The following BTC variants were observed in gnomAD, a reference collection of about 807,000 sequenced individuals.
BTC encodes the protein betacellulin, also known as probetacellulin.
A neutral mutation model predicts 18.1 loss-of-function variants in BTC; 13 were observed. The observed-to-expected ratio is 0.72, with a 90% CI of 0.47 to 1.14. BTC has a LOEUF of 1.14. Among genes scored for constraint, BTC ranks in the 50% most tolerant of loss-of-function variants. The probability of loss-of-function intolerance (pLI) is 0.00; values close to 1 mark genes in which losing one functional copy is unlikely to be tolerated. For missense variants in BTC, 247 were observed against 224.2 expected (o/e 1.10, Z -0.65); for synonymous variants, 83 against 79.4 (o/e 1.05, Z -0.24).
intron 1 of BTC, among the ~76,000 whole-genome samples, chr4:74,790,827 A>G (rs1725604351): frequency 6.6e-6 from 1 of 152,198 alleles, no homozygotes; most frequent in Non-Finnish European, 1.5e-5. Context: ...GGTTTCCTGG[A>G]AGCAAGGAAG....
In BTC at chr4:74,794,333, G is replaced by T. The variant is rs1229464619; in HGVS notation, c.-8C>A. 5.8e-6 allele frequency: 9 copies of T among 1,542,838 alleles called. No individual in the cohort carries two copies. Among genetic ancestry groups the T allele is most frequent in the Admixed American group, 2.0e-5 (1 of 50,502 alleles). On this transcript the variant is annotated 5_prime_UTR_variant, in exon 1 of 6. Transcript: ENST00000395743. ...CCGGGCGGCCCGGTCCATCAACCCCGCTCTGCCGGGCCGGGCAGCCCCTAG... is the reference window on the plus strand; with the variant it reads ...CCGGGCGGCCCGGTCCATCAACCCCTCTCTGCCGGGCCGGGCAGCCCCTAG...
At chr4:74,778,046 A>AG (rs1725222996) in intron 1 of BTC, among the ~76,000 whole-genome samples, 1 of 151,196 alleles carries the variant, frequency 6.6e-6, no homozygotes, top group South Asian at 2.1e-4. Flanking sequence ...GAAAAAAAAA[A>AG]TAGGGAGTGA....
intron 3 of BTC, among the ~76,000 whole-genome samples, chr4:74,752,675 G>A (rs1398746547): frequency 2.0e-5 from 3 of 152,014 alleles, no homozygotes; most frequent in Non-Finnish European, 2.9e-5. Flanking sequence ...CACCGTGACT[G>A]GCCGGGAATC....
At chr4:74,746,873 C>A (rs1445191006) in intron 5 of BTC, among the ~76,000 whole-genome samples, 198 bp from the exon 6 acceptor site, 1 of 152,180 alleles carries the variant, frequency 6.6e-6, no homozygotes, top group Non-Finnish European at 1.5e-5. Flanking sequence ...GGAAGAGATT[C>A]TTTGTACAAC....
chr4:74,788,795 C>T (rs1488296972), intron 1 of BTC, among the ~76,000 whole-genome samples: 1 of 152,210 alleles, frequency 6.6e-6, no homozygotes, highest in Non-Finnish European at 1.5e-5. Flanking sequence ...ATGAACAAAA[C>T]TCATACCTGG....
intron 1 of BTC, among the ~76,000 whole-genome samples, chr4:74,785,068 G>A (rs1463528079): frequency 6.6e-6 from 1 of 151,978 alleles, no homozygotes; most frequent in African/African-American, 2.4e-5. Context: ...GCTTTTTTTG[G>A]TTGGTAGGCT....
At chr4:74,754,459 T>G (rs536661041) in intron 3 of BTC, among the ~76,000 whole-genome samples, 1 of 152,260 alleles carries the variant, frequency 6.6e-6, no homozygotes, top group East Asian at 1.9e-4. Context: ...GGGAAGGACA[T>G]CTAACTCAGA....
rs1311461264 is a variant in BTC at position 74,745,479 on chromosome 4, T to C, written c.*1198A>G. ...GAACCACGTAATCAATGTAAAAAGT[T>C]AAATATTCTATGAAATATTCACTAA... On this transcript the variant is annotated 3_prime_UTR_variant, in exon 6 of 6. Coordinates refer to ENST00000395743, the MANE Select transcript of BTC (RefSeq NM_001729.4). 2 of 152,242 alleles carry C rather than the reference T, an allele frequency of 1.3e-5. No individual in the cohort carries two copies. Among genetic ancestry groups the C allele is most frequent in the African/African-American group, 4.8e-5 (2 of 41,464 alleles). The allele number at this position is 152,242 out of a possible 1,614,324, so 9.4% of individuals were successfully genotyped here.
chr4:74,794,277 G>A lies in BTC; in HGVS notation c.49C>T (p.Leu17=). 1 of 1,550,064 alleles carries A rather than the reference G, an allele frequency of 6.5e-7. No individual in the cohort carries two copies. Among genetic ancestry groups the A allele is most frequent in the Non-Finnish European group, 8.7e-7 (1 of 1,146,730 alleles). ...CSGASSLPLL[L]ALALGLVILH... is the part of the protein sequence containing the mutation. ...GGCCACTTACCCAGGGCAAGGGCCAGGAGCAGTGGCAGGGAGCTGGCGCCG... is the reference window on the plus strand; with the variant it reads ...GGCCACTTACCCAGGGCAAGGGCCAAGAGCAGTGGCAGGGAGCTGGCGCCG... Residue 17 remains leucine, a synonymous_variant, in exon 1 of 6, where the codon CTG becomes TTG. Transcript: ENST00000395743.
intron 1 of BTC, among the ~76,000 whole-genome samples, chr4:74,777,342 C>T (rs1301504218): frequency 3.3e-5 from 5 of 152,000 alleles, no homozygotes; most frequent in African/African-American, 9.7e-5. Flanking sequence ...ACAGGGTAAG[C>T]GCTCAAAAAA....
At chr4:74,778,543 A>G (rs750021561) in intron 1 of BTC, among the ~76,000 whole-genome samples, 2 of 152,222 alleles carry the variant, frequency 1.3e-5, no homozygotes, top group East Asian at 3.8e-4. Flanking sequence ...TTGCTCAGAC[A>G]GCATGTTTAC....
intron 3 of BTC, among the ~76,000 whole-genome samples, 193 bp from the exon 4 acceptor site, chr4:74,750,912 A>C (rs1365562075): frequency 3.9e-5 from 6 of 152,182 alleles, no homozygotes; most frequent in African/African-American, 1.4e-4. Flanking sequence ...ACCTGTCATC[A>C]CTTGATCATT....
chr4:74,772,923 G>A (rs932525606), intron 1 of BTC, among the ~76,000 whole-genome samples: 6 of 152,188 alleles, frequency 3.9e-5, no homozygotes, highest in African/African-American at 9.7e-5. Context: ...CAGGCTGGGG[G>A]CTATGGCCCA....
intron 2 of BTC, among the ~76,000 whole-genome samples, chr4:74,768,429 A>G (rs1724955776): frequency 6.6e-6 from 1 of 152,196 alleles, no homozygotes; most frequent in South Asian, 2.1e-4. Flanking sequence ...AGCCTTACAA[A>G]AGAGAAAAAT....
At chr4:74,786,426 A>G (rs1725479711) in intron 1 of BTC, among the ~76,000 whole-genome samples, 1 of 152,224 alleles carries the variant, frequency 6.6e-6, no homozygotes, top group African/African-American at 2.4e-5. Flanking sequence ...CGTTATATGT[A>G]ATACTAAATA....
intron 1 of BTC, 29 bp from the exon 2 acceptor site, chr4:74,770,185 A>C (rs778686326): frequency 1.9e-6 from 3 of 1,557,172 alleles, no homozygotes. Context: ...ACCAAAATCA[A>C]ACATGAAAAT....
intron 3 of BTC, among the ~76,000 whole-genome samples, chr4:74,754,737 G>T (rs1371384508): frequency 6.6e-6 from 1 of 152,130 alleles, no homozygotes; most frequent in Non-Finnish European, 1.5e-5. Flanking sequence ...TCTATGTGTT[G>T]ATCTTAGGCA....
chr4:74,769,936 A>G, intron 2 of BTC, 122 bp downstream of exon 2: 1 of 746,128 alleles, frequency 1.3e-6, no homozygotes, highest in Non-Finnish European at 2.2e-6. Context: ...TACTGTATAT[A>G]AAGCACTTAG....
At chr4:74,757,427 C>G (rs1404922994) in intron 2 of BTC, among the ~76,000 whole-genome samples, 13 of 152,072 alleles carry the variant, frequency 8.5e-5, no homozygotes, top group Non-Finnish European at 1.5e-4. Flanking sequence ...AACTACATGC[C>G]AGATATTTGC....
Sources: gnomAD v4.1 joint callset for allele counts (sites outside exome capture counted in the v4.1 genomes callset) on GRCh38, gnomAD v4.1.1 for gene constraint, MANE v1.5 for transcripts, NCBI Gene and HGNC (gene_info 2026-07-23, HGNC 2026-07-21) for gene names.